Variants in SYCE3 observed in about 807,000 individuals in gnomAD.
SYCE3 encodes synaptonemal complex central element protein 3.
In SYCE3, 3 loss-of-function variants were observed where a neutral mutation model predicts 8.1. That is an observed-to-expected ratio of 0.37 (90% CI 0.17 to 0.96). The LOEUF is 0.96. Among genes scored for constraint, SYCE3 ranks in the 40% least tolerant of loss-of-function variants. The pLI is 0.41. For missense variants in SYCE3, 83 were observed against 110.0 expected (o/e 0.75, Z 1.10); for synonymous variants, 36 against 38.7 (o/e 0.93, Z 0.26).
chr22:50,556,984 C>T (rs1282610377), intron 1 of SYCE3, among the ~76,000 whole-genome samples: 1 of 151,984 alleles, frequency 6.6e-6, no homozygotes, highest in Non-Finnish European at 1.5e-5. Context: ...AAATTATAAT[C>T]AACTTAACTT....
intron 1 of SYCE3, among the ~76,000 whole-genome samples, chr22:50,559,693 G>A (rs2069895387): frequency 6.6e-6 from 1 of 152,158 alleles, no homozygotes; most frequent in African/African-American, 2.4e-5. Flanking sequence ...CACTTTGGAA[G>A]GCAGAGGCGG....
chr22:50,561,824 G>A (rs545008669), intron 1 of SYCE3, among the ~76,000 whole-genome samples: 1 of 151,018 alleles, frequency 6.6e-6, no homozygotes, highest in Non-Finnish European at 1.5e-5. Flanking sequence ...TTGGAGTTGG[G>A]CTATGAAGAG....
chr22:50,561,417 T>C (rs1429313291), intron 1 of SYCE3, among the ~76,000 whole-genome samples: 7 of 151,370 alleles, frequency 4.6e-5, no homozygotes, highest in Non-Finnish European at 1.5e-5. Context: ...TCTTGCCTAA[T>C]GAGGTTGCCT....
At chr22:50,554,893 C>T (rs1241047466) in intron 2 of SYCE3, among the ~76,000 whole-genome samples, 4 of 151,246 alleles carry the variant, frequency 2.6e-5, no homozygotes, top group South Asian at 2.1e-4. Flanking sequence ...GAGGCCGAGA[C>T]GGGCGGATCA....
chr22:50,561,551 G>GGGA (rs1356187429), intron 1 of SYCE3, among the ~76,000 whole-genome samples: 4 of 149,976 alleles, frequency 2.7e-5, no homozygotes, highest in African/African-American at 9.9e-5. Flanking sequence ...AGTGTGGGGC[G>GGGA]GGAGCGTGGG....
Position 50,551,173 on chromosome 22 carries a change from C to A in SYCE3, c.*72G>T. On this transcript the variant is annotated 3_prime_UTR_variant, in exon 3 of 3. Transcript: ENST00000406915. Reference sequence around the variant, plus strand: ...GTGCATACAGCTATTCATGTGGGTGCCAGCTCCATCCCCCAGTGACCTCTT... The same window carrying A: ...GTGCATACAGCTATTCATGTGGGTGACAGCTCCATCCCCCAGTGACCTCTT... The A allele has an allele frequency of 2.6e-6, 4 of 1,519,464 alleles. No individual in the cohort carries two copies. The highest frequency in any genetic ancestry group is 3.6e-6 in the Non-Finnish European group (4 of 1,125,240). 94.1% of individuals were successfully genotyped at this position (1,519,464 alleles called of 1,614,324 possible).
intron 1 of SYCE3, 63 bp from the exon 2 acceptor site, chr22:50,556,468 G>T: frequency 8.7e-7 from 1 of 1,143,852 alleles, no homozygotes; most frequent in Non-Finnish European, 1.3e-6. Flanking sequence ...CAGCTCCACT[G>T]GTTATAACTC....
At chr22:50,554,840 A>G (rs2069843644) in intron 2 of SYCE3, among the ~76,000 whole-genome samples, 1 of 151,788 alleles carries the variant, frequency 6.6e-6, no homozygotes, top group Non-Finnish European at 1.5e-5. Context: ...TAAAAATACA[A>G]GGCCAGGCGC....
intron 2 of SYCE3, among the ~76,000 whole-genome samples, chr22:50,554,725 T>C (rs995255805): frequency 1.4e-5 from 2 of 140,894 alleles, no homozygotes; most frequent in Non-Finnish European, 3.0e-5. Context: ...CCAGGCGCGG[T>C]GGCTCACACC....
intron 1 of SYCE3, 27 bp from the exon 2 acceptor site, chr22:50,556,432 A>G: frequency 6.8e-7 from 1 of 1,478,172 alleles, no homozygotes; most frequent in Non-Finnish European, 9.2e-7. Flanking sequence ...AAGAAGCTGC[A>G]GTCAGACAGA....
At chr22:50,559,017 ACT>A (rs999590091) in intron 1 of SYCE3, among the ~76,000 whole-genome samples, 1 of 151,278 alleles carries the variant, frequency 6.6e-6, no homozygotes, top group African/African-American at 2.4e-5. Flanking sequence ...TTCTCTCCAA[ACT>A]CTGTCCACCT....
intron 1 of SYCE3, among the ~76,000 whole-genome samples, 199 bp from the exon 2 acceptor site, chr22:50,556,604 T>A (rs1254573688): frequency 6.6e-6 from 1 of 152,236 alleles, no homozygotes; most frequent in Non-Finnish European, 1.5e-5. Flanking sequence ...TCGGCACATA[T>A]AAGTTGTCCT....
At chr22:50,558,544 T>C (rs6009927) in intron 1 of SYCE3, among the ~76,000 whole-genome samples, 15 of 152,286 alleles carry the variant, frequency 9.8e-5, no homozygotes, top group African/African-American at 3.6e-4. Context: ...GACAGGCAGA[T>C]CTGAGAATGA....
In SYCE3 at chr22:50,551,290, C is replaced by T. The variant is rs1360624393; in HGVS notation, c.222G>A (p.Glu74=). 6.4e-7 allele frequency: 1 copy of T among 1,551,406 alleles called. No homozygotes were observed. The highest frequency in any genetic ancestry group is 2.0e-5 in the Admixed American group (1 of 51,000). ...CATGCAGCAGCTCTTGCCAGTTCTT[C>T]TCCATCTCCTCCTTGCAGTTGACGA... The part of the protein sequence containing the change: ...DAFVNCKEEM[E]KNWQELLHET... Residue 74 remains glutamate (E), a synonymous_variant, in exon 3 of 3, where the codon GAG becomes GAA. Transcript: ENST00000406915.
chr22:50,552,803 A>C (rs955072942), intron 2 of SYCE3, among the ~76,000 whole-genome samples: 1 of 152,144 alleles, frequency 6.6e-6, no homozygotes, highest in African/African-American at 2.4e-5. Context: ...TTAGGTCCTA[A>C]GGGTAGACCC....
At chr22:50,553,438 C>T (rs2069829318) in intron 2 of SYCE3, among the ~76,000 whole-genome samples, 1 of 152,162 alleles carries the variant, frequency 6.6e-6, no homozygotes, top group Admixed American at 6.5e-5. Context: ...TATCTCCCCT[C>T]ATTTTGCTTC....
chr22:50,559,800 C>T (rs1380758406), intron 1 of SYCE3, among the ~76,000 whole-genome samples: 2 of 152,076 alleles, frequency 1.3e-5, no homozygotes, highest in Admixed American at 6.5e-5. Context: ...TGGTGACGGG[C>T]GCCTGTAGTC....
intron 1 of SYCE3, among the ~76,000 whole-genome samples, chr22:50,561,516 G>C: frequency 6.6e-6 from 1 of 151,378 alleles, no homozygotes; most frequent in Admixed American, 6.6e-5. Context: ...GGAAGTGTGG[G>C]GCGGGAGGAG....
chr22:50,558,803 C>T lies in SYCE3; in HGVS notation c.1-2398G>A, dbSNP rs369188581. Among the ~76,000 whole-genome samples, 29 of 152,276 alleles carry T rather than the reference C, an allele frequency of 1.9e-4. No individual in the cohort carries two copies. In the South Asian group the frequency reaches 6.0e-3, roughly 32 times the overall value. The stretch of plus-strand genomic sequence containing the variant: ...CTATTCCCTCTCCTTCCTTTAGCAG[C>T]CAGGCCTCACACGTTTGTCTGTCCT... On this transcript the variant is annotated intron_variant, in intron 1 of 2. Transcript: ENST00000406915.
Sources: gnomAD v4.1 joint callset for allele counts (sites outside exome capture counted in the v4.1 genomes callset) on GRCh38, gnomAD v4.1.1 for gene constraint, MANE v1.5 for transcripts, NCBI Gene and HGNC (gene_info 2026-07-23, HGNC 2026-07-21) for gene names.